The following TMIGD3 variants were observed in gnomAD, a reference collection of about 807,000 sequenced individuals.
TMIGD3 encodes the protein AD026 protein (AD026).
A neutral mutation model predicts 28.1 loss-of-function variants in TMIGD3; 21 were observed. The ratio of observed to expected loss-of-function variants is 0.75; its 90% CI spans 0.53 to 1.08. The LOEUF (loss-of-function observed/expected upper bound fraction) is 1.08, where lower values mean the gene tolerates loss of function less well. Among genes scored for constraint, TMIGD3 ranks in the 50% least tolerant of loss-of-function variants. The pLI is 0.00. For synonymous variants in TMIGD3, 151 were observed against 162.1 expected, an observed-to-expected ratio of 0.93 and a Z score of 0.52; for missense variants, 416 against 435.6, an observed-to-expected ratio of 0.96 and a Z score of 0.40.
intron 1 of TMIGD3, among the ~76,000 whole-genome samples, chr1:111,554,278 G>T (rs966080250): frequency 6.6e-6 from 1 of 152,188 alleles, no homozygotes; most frequent in African/African-American, 2.4e-5. Flanking sequence ...ACCTGTGGAG[G>T]TATATAGTAT....
chr1:111,509,063 C>T (rs1051668780), intron 1 of TMIGD3, among the ~76,000 whole-genome samples: 1 of 152,242 alleles, frequency 6.6e-6, no homozygotes, highest in African/African-American at 2.4e-5. Flanking sequence ...CCACTGCACT[C>T]CAGCCTGGGC....
At chr1:111,518,232 T>G (rs1655932175) in intron 1 of TMIGD3, among the ~76,000 whole-genome samples, 1 of 152,260 alleles carries the variant, frequency 6.6e-6, no homozygotes, top group African/African-American at 2.4e-5. Flanking sequence ...GAATCTGGGT[T>G]TTAATCAGCC....
intron 1 of TMIGD3, among the ~76,000 whole-genome samples, chr1:111,536,021 G>T (rs565585887): frequency 9.6e-4 from 146 of 152,252 alleles, no homozygotes; most frequent in South Asian, 3.3e-3. Flanking sequence ...AACTCTGCAA[G>T]AGAATTTCGT....
At chr1:111,485,581 T>C (rs1654323052) in intron 5 of TMIGD3, 159 bp downstream of exon 5, 1 of 581,406 alleles carries the variant, frequency 1.7e-6, no homozygotes, top group Admixed American at 3.3e-5. Context: ...CTTGTCACCA[T>C]CAAGCAGATA....
At chr1:111,561,289 A>C (rs1366538886) in intron 1 of TMIGD3, among the ~76,000 whole-genome samples, 1 of 151,938 alleles carries the variant, frequency 6.6e-6, no homozygotes, top group East Asian at 1.9e-4. Context: ...ACGCCTGGCT[A>C]ATTTTTGTAT....
intron 1 of TMIGD3, among the ~76,000 whole-genome samples, chr1:111,562,792 C>T (rs1439061785): frequency 6.6e-6 from 1 of 152,298 alleles, no homozygotes; most frequent in South Asian, 2.1e-4. Flanking sequence ...AGACTAAAAC[C>T]AAGATTAGCT....
chr1:111,515,084 G>C (rs1655814001), intron 1 of TMIGD3, among the ~76,000 whole-genome samples: 1 of 152,202 alleles, frequency 6.6e-6, no homozygotes, highest in Non-Finnish European at 1.5e-5. Context: ...TGAGAAGTGG[G>C]ATTTGCTCAT....
intron 1 of TMIGD3, among the ~76,000 whole-genome samples, chr1:111,502,109 A>T (rs12125678): frequency 2.3e-4 from 7 of 30,036 alleles, no homozygotes; most frequent in South Asian, 1.9e-3. Context: ...TATATATTTA[A>T]TATAATAAAT....
intron 1 of TMIGD3, 94 bp from the exon 2 acceptor site, chr1:111,490,856 A>T (rs1654624738): frequency 8.2e-6 from 7 of 849,554 alleles, no homozygotes; most frequent in Non-Finnish European, 1.2e-5. Flanking sequence ...TAGTCCAAGC[A>T]GTGCTGCCAT....
chr1:111,505,556 A>G (rs958131848), upstream of TMIGD3, among the ~76,000 whole-genome samples: 2 of 152,220 alleles, frequency 1.3e-5, no homozygotes, highest in African/African-American at 4.8e-5. Flanking sequence ...TTTCACAGTC[A>G]CTTAACATTT....
chr1:111,488,530 T>C lies in TMIGD3; in HGVS notation c.805+147A>G, dbSNP rs1483102419. Reference sequence around the variant, plus strand: ...AGCACTGTTAATGACCACCCTATGTTTGCCGGAGGAAGAGAGAGGCCAGGC... The same window carrying C: ...AGCACTGTTAATGACCACCCTATGTCTGCCGGAGGAAGAGAGAGGCCAGGC... On this transcript the variant is annotated intron_variant, in intron 3 of 5. Transcript: ENST00000369716. The C allele has an allele frequency of 4.4e-6, 3 of 686,346 alleles. No homozygotes were observed. In the African/African-American group the frequency reaches 5.4e-5, roughly 12 times the overall value. The allele number at this position is 686,346 out of a possible 1,614,324, so 42.5% of individuals were successfully genotyped here. A position where few individuals can be genotyped will look rare whatever the true frequency, so the allele number is the denominator to read the frequency against.
At chr1:111,555,545 A>G (rs573417827) in intron 1 of TMIGD3, among the ~76,000 whole-genome samples, 115 of 152,184 alleles carry the variant, frequency 7.6e-4, no homozygotes, top group African/African-American at 2.7e-3. Context: ...TACAGAATTC[A>G]GCTTAGAGAA....
chr1:111,514,655 C>T (rs1655801057), intron 1 of TMIGD3, among the ~76,000 whole-genome samples: 1 of 151,572 alleles, frequency 6.6e-6, no homozygotes, highest in African/African-American at 2.4e-5. Context: ...CACACACACA[C>T]ACACACACAC....
chr1:111,548,595 A>G (rs1657126054), intron 1 of TMIGD3, among the ~76,000 whole-genome samples: 1 of 152,218 alleles, frequency 6.6e-6, no homozygotes, highest in African/African-American at 2.4e-5. Flanking sequence ...TGTTTATGGC[A>G]TTGACTATTG....
intron 1 of TMIGD3, among the ~76,000 whole-genome samples, chr1:111,521,009 A>G (rs1227689863): frequency 1.6e-5 from 1 of 61,946 alleles, no homozygotes. Context: ...CCTCCCTCCC[A>G]CCCCTTCCCA....
chr1:111,529,677 G>A (rs574798490), intron 1 of TMIGD3, among the ~76,000 whole-genome samples: 5 of 150,990 alleles, frequency 3.3e-5, no homozygotes, highest in African/African-American at 9.7e-5. Flanking sequence ...GAGAGCACAG[G>A]GTTGGGGGTA....
chr1:111,514,697 T>TG (rs1358925036), intron 1 of TMIGD3, among the ~76,000 whole-genome samples: 1 of 151,474 alleles, frequency 6.6e-6, no homozygotes, highest in Non-Finnish European at 1.5e-5. Flanking sequence ...CTTAAAGTCA[T>TG]GGTAAAAAGA....
intron 1 of TMIGD3, among the ~76,000 whole-genome samples, chr1:111,522,763 G>A (rs546928143): frequency 6.6e-5 from 10 of 152,088 alleles, no homozygotes; most frequent in South Asian, 2.1e-4. Context: ...TGATCTGCCC[G>A]CCTCGGCCTC....
chr1:111,505,141 A>G (rs985421737), upstream of TMIGD3: 3 of 577,578 alleles, frequency 5.2e-6, no homozygotes, highest in African/African-American at 6.4e-5. Context: ...AAAAAAAAAA[A>G]AAAAAAAGAA....
Sources: allele counts gnomAD v4.1 joint callset (sites outside exome capture counted in the v4.1 genomes callset), GRCh38; gene constraint gnomAD v4.1.1; transcripts MANE v1.5; gene names NCBI Gene and HGNC (gene_info 2026-07-23, HGNC 2026-07-21).